The following ARHGEF7 variants were observed in gnomAD, a reference collection of about 807,000 sequenced individuals.
ARHGEF7 encodes PAK-interacting exchange factor beta.
In ARHGEF7, 33 loss-of-function variants were observed where a neutral mutation model predicts 109.8. The observed-to-expected ratio is 0.30, with a 90% CI of 0.23 to 0.40. ARHGEF7 has a LOEUF of 0.40. ARHGEF7 is among the 10% of genes least tolerant of loss of function. The pLI, the probability that ARHGEF7 is intolerant of heterozygous loss-of-function variation, is 1.00. For missense variants in ARHGEF7, 938 were observed against 1,098.5 expected (o/e 0.85, Z 2.07); for synonymous variants, 458 against 424.6 (o/e 1.08, Z -0.97).
intron 6 of ARHGEF7, among the ~76,000 whole-genome samples, chr13:111,237,801 T>G (rs2087039754): frequency 6.6e-6 from 1 of 152,236 alleles, no homozygotes; most frequent in African/African-American, 2.4e-5. Context: ...TGATATGATC[T>G]CATGGTATTA....
chr13:111,293,577 A>G (rs1266845759), intron 19 of ARHGEF7: 1 of 985,224 alleles, frequency 1.0e-6, no homozygotes, highest in Non-Finnish European at 1.2e-6. Flanking sequence ...ATCCACACCT[A>G]GTCATTGCTT....
intron 15 of ARHGEF7, among the ~76,000 whole-genome samples, chr13:111,281,841 C>A (rs930729358): frequency 3.3e-5 from 5 of 152,156 alleles, no homozygotes; most frequent in African/African-American, 4.8e-5. Flanking sequence ...AGGCACTGTG[C>A]CTCATGTTTA....
At chr13:111,114,637 C>CGCCCGGCCCG (rs542216199), upstream of ARHGEF7, 4 of 152,504 alleles carry the variant, frequency 2.6e-5, no homozygotes, top group South Asian at 4.0e-4. Context: ...CGCAGCCAGG[C>CGCCCGGCCCG]GCCCGGCCCG....
At chr13:111,144,551 G>A (rs2075495647) in intron 1 of ARHGEF7, 1 of 152,222 alleles carries the variant, frequency 6.6e-6, no homozygotes, top group South Asian at 2.1e-4. Flanking sequence ...TGCCGTGGAA[G>A]AGCATAATTC....
At chr13:111,262,735 A>G (rs531332466) in intron 8 of ARHGEF7, among the ~76,000 whole-genome samples, 56 of 152,378 alleles carry the variant, frequency 3.7e-4, no homozygotes, top group African/African-American at 1.2e-3. Context: ...GGGTAAGGAA[A>G]AAAAACCCTT....
chr13:111,170,330 T>C (rs2077483284), intron 2 of ARHGEF7, among the ~76,000 whole-genome samples: 1 of 152,248 alleles, frequency 6.6e-6, no homozygotes, highest in Non-Finnish European at 1.5e-5. Flanking sequence ...ACTCCTGGCC[T>C]TAAGTGATCC....
intron 2 of ARHGEF7, among the ~76,000 whole-genome samples, chr13:111,190,966 G>C (rs544954118): frequency 6.6e-6 from 1 of 151,892 alleles, no homozygotes; most frequent in African/African-American, 2.4e-5. Flanking sequence ...CCTGTGTTCT[G>C]TTTTCCCATT....
intron 2 of ARHGEF7, among the ~76,000 whole-genome samples, chr13:111,165,142 A>G (rs1052888602): frequency 7.9e-5 from 12 of 152,188 alleles, no homozygotes; most frequent in African/African-American, 2.9e-4. Context: ...CATTACGTCT[A>G]ACTAGCCAGA....
intron 5 of ARHGEF7, 26 bp downstream of exon 5, chr13:111,217,906 G>A (rs1443625067): frequency 6.3e-7 from 1 of 1,587,750 alleles, no homozygotes; most frequent in Admixed American, 1.7e-5. Context: ...TGGGCTGTGT[G>A]TGGCTTTTTG....
chr13:111,193,422 A>C (rs181521308), intron 2 of ARHGEF7, among the ~76,000 whole-genome samples: 1 of 151,784 alleles, frequency 6.6e-6, no homozygotes, highest in Non-Finnish European at 1.5e-5. Context: ...TTCTCCTTAC[A>C]CTTTGGCAGT....
At chr13:111,242,211 CCT>C (rs2087911824) in intron 6 of ARHGEF7, among the ~76,000 whole-genome samples, 1 of 152,114 alleles carries the variant, frequency 6.6e-6, no homozygotes, top group Admixed American at 6.5e-5. Context: ...AGTGGAAGAG[CCT>C]CTGTTTTTTT....
At position 111,286,257 on chromosome 13, in the gene ARHGEF7, C is replaced by T. The variant is rs367659966; in HGVS notation, c.2044+17C>T. On this transcript the variant is annotated intron_variant, in intron 17 of 21. Coordinates refer to ENST00000646102, the MANE Select transcript of ARHGEF7 (RefSeq NM_001354046.2). ...CCCGGAAAAGTGAGTACCTGCGGTC[C>T]GTGTGGTGGAGGACGTGGCCTCCTG... 1.6e-5 allele frequency: 26 copies of T among 1,603,874 alleles called. No homozygotes were observed. In the Admixed American group the frequency reaches 1.7e-4, roughly 10 times the overall value.
At chr13:111,262,640 G>A (rs776812885) in intron 8 of ARHGEF7, among the ~76,000 whole-genome samples, 1 of 152,170 alleles carries the variant, frequency 6.6e-6, no homozygotes, top group Non-Finnish European at 1.5e-5. Flanking sequence ...CTAGTTAGCA[G>A]TATCACTAGG....
intron 1 of ARHGEF7, among the ~76,000 whole-genome samples, chr13:111,132,646 G>C (rs2074820896): frequency 6.6e-6 from 1 of 152,128 alleles, no homozygotes; most frequent in South Asian, 2.1e-4. Context: ...CATGCTAAAT[G>C]GATGGAGATG....
rs548277731 is a variant in ARHGEF7 at position 111,217,829 on chromosome 13, G to A, written c.619G>A (p.Gly207Ser). 8.1e-6 allele frequency: 13 copies of A among 1,614,058 alleles called. No homozygotes were observed. The highest frequency in any genetic ancestry group is 2.2e-5 in the South Asian group (2 of 91,088). Residue 207 changes from glycine (G) to serine (S), a missense_variant, in exon 5 of 22, where the codon GGC (glycine) becomes AGC (serine). Around this residue, in one of 4 missense-constraint regions of ARHGEF7, gnomAD observed 585 missense variants for 723.6 expected, o/e 0.81. Coordinates refer to ENST00000646102, the MANE Select transcript of ARHGEF7 (RefSeq NM_001354046.2). ...AGGCTGGTGGGAGGGCACACTCAAC[G>A]GCCGGACCGGCTGGTTCCCCAGCAA... Reference protein sequence around the residue: ...EGGWWEGTLNGRTGWFPSNYV... With the variant: ...EGGWWEGTLNSRTGWFPSNYV...
intron 2 of ARHGEF7, among the ~76,000 whole-genome samples, chr13:111,165,556 G>C (rs1566679911): frequency 6.6e-6 from 1 of 152,154 alleles, no homozygotes; most frequent in Non-Finnish European, 1.5e-5. Context: ...CAACCAGAAG[G>C]CTTGGAGGAA....
chr13:111,253,447 T>G (rs1356475683), intron 8 of ARHGEF7, among the ~76,000 whole-genome samples: 2 of 152,220 alleles, frequency 1.3e-5, no homozygotes, highest in African/African-American at 4.8e-5. Flanking sequence ...ACATCCTTGT[T>G]GTACCAAATT....
intron 5 of ARHGEF7, among the ~76,000 whole-genome samples, chr13:111,224,776 GA>G (rs1017496233): frequency 2.6e-5 from 4 of 152,202 alleles, no homozygotes; most frequent in African/African-American, 9.6e-5. Context: ...TCTGTGCGGG[GA>G]AAAGGACAAA....
chr13:111,144,398 A>T (rs922170458), intron 1 of ARHGEF7: 1 of 152,262 alleles, frequency 6.6e-6, no homozygotes, highest in African/African-American at 2.4e-5. Flanking sequence ...GGTATTTAGC[A>T]GTCAAATCCT....
Sources: gnomAD v4.1 joint callset for allele counts (sites outside exome capture counted in the v4.1 genomes callset) on GRCh38, gnomAD v4.1.1 for gene constraint, gnomAD v4.1.1 regional missense constraint, MANE v1.5 for transcripts, NCBI Gene and HGNC (gene_info 2026-07-23, HGNC 2026-07-21) for gene names.